DPP4: variants seen among roughly 807,000 people sequenced by gnomAD.
DPP4 encodes the protein dipeptidyl peptidase 4.
In DPP4, 93 loss-of-function variants were observed where a neutral mutation model predicts 122.4. That is an observed-to-expected ratio of 0.76 (90% CI 0.64 to 0.90). DPP4 has a LOEUF of 0.90. Ranked by LOEUF, DPP4 falls within the 40% of genes least tolerant of loss-of-function variation. DPP4 has a pLI of 0.00. For synonymous variants in DPP4, 321 were observed against 302.9 expected, an observed-to-expected ratio of 1.06 and a Z score of -0.62; for missense variants, 914 against 907.3, an observed-to-expected ratio of 1.01 and a Z score of -0.09.
intron 2 of DPP4, among the ~76,000 whole-genome samples, chr2:162,057,301 C>A (rs77999304): frequency 0.12 from 18,330 of 152,246 alleles, 1,481 homozygotes; most frequent in Middle Eastern, 0.22. Flanking sequence ...ACTGTTAGGT[C>A]AGCACACTTC....
chr2:162,024,687 C>G (rs1683254986), intron 11 of DPP4, 117 bp downstream of exon 11: 1 of 1,369,390 alleles, frequency 7.3e-7, no homozygotes, highest in Non-Finnish European at 9.9e-7. Flanking sequence ...CAGACAGAGT[C>G]AGAAAGAAGA....
At chr2:162,043,883 C>G (rs1158286118) in intron 5 of DPP4, among the ~76,000 whole-genome samples, 6 of 152,034 alleles carry the variant, frequency 3.9e-5, no homozygotes, top group Admixed American at 3.9e-4. Flanking sequence ...TGAAAATTAG[C>G]AGGGCATGGT....
rs7604582 is a variant in DPP4 at position 162,023,388 on chromosome 2, T to C, written c.1024-589A>G. Among the ~76,000 whole-genome samples the C allele has an allele frequency of 3.7e-4, 57 of 152,206 alleles. 1 individual carries two copies. The highest frequency in any genetic ancestry group is 1.3e-3 in the African/African-American group (55 of 41,510). Reference sequence around the variant, plus strand: ...CTTTTCTTTAAAACCTTGAAACAACTCCCCATTTCTTACGAGATAAGTCCA... The same window carrying C: ...CTTTTCTTTAAAACCTTGAAACAACCCCCCATTTCTTACGAGATAAGTCCA... On this transcript the variant is annotated intron_variant, in intron 11 of 25. Coordinates refer to ENST00000360534, the MANE Select transcript of DPP4 (RefSeq NM_001935.4).
chr2:162,053,647 T>C (rs888447972), intron 2 of DPP4, among the ~76,000 whole-genome samples: 2 of 152,172 alleles, frequency 1.3e-5, no homozygotes, highest in African/African-American at 4.8e-5. Context: ...AGCATTCTGG[T>C]GCAGCACTCT....
At position 162,002,719 on chromosome 2, in the gene DPP4, C is replaced by A. The variant is rs531985121; in HGVS notation, c.2052+3026G>T. 9.2e-5 allele frequency among the ~76,000 whole-genome samples: 14 copies of A among 151,862 alleles called. No individual in the cohort carries two copies. In the South Asian group the frequency reaches 2.7e-3, roughly 29 times the overall value. ...GAGAGAGAGGAGAAAAGAAAAACAA[C>A]CTGGGAAAGAAAAGTAAAAGATGGG... On this transcript the variant is annotated intron_variant, in intron 23 of 25. Coordinates refer to ENST00000360534, the MANE Select transcript of DPP4 (RefSeq NM_001935.4).
Position 162,005,803 on chromosome 2 carries a change from A to C in DPP4, c.1994T>G (p.Val665Gly). Residue 665 changes from valine to glycine, a missense_variant, in exon 23 of 26, where the codon GTG (valine) becomes GGG (glycine). By Grantham distance (109) the Val-to-Gly change is moderately radical (BLOSUM62 -3). Transcript: ENST00000360534. ...PVSRWEYYDSVYTERYMGLPT... is the reference protein window; with the variant it reads ...PVSRWEYYDSGYTERYMGLPT... ...GAGACCCATGTAACGTTCTGTGTAC[A>C]CTGAGTCTGTGAAAGAAAAAAAAAT... is the stretch of plus-strand genomic sequence containing the variant. The C allele has an allele frequency of 6.2e-7, 1 of 1,612,484 alleles. No individual in the cohort carries two copies.
At position 162,020,562 on chromosome 2, in the gene DPP4, A is replaced by C; in HGVS notation, c.1176+19T>G. The stretch of plus-strand genomic sequence containing the variant: ...AAAAAAAGAGGTCAACATGAAATAA[A>C]ATATGTAAGAATACTCACTTTTTTA... On this transcript the variant is annotated intron_variant, in intron 13 of 25. Coordinates refer to ENST00000360534, the MANE Select transcript of DPP4 (RefSeq NM_001935.4). 1 of 1,562,754 alleles carries C rather than the reference A, an allele frequency of 6.4e-7. No homozygotes were observed. The highest frequency in any genetic ancestry group is 1.2e-5 in the South Asian group (1 of 83,928).
chr2:161,994,984 C>T lies in DPP4; in HGVS notation c.2176G>A (p.Val726Ile). The T allele has an allele frequency of 1.2e-6, 2 of 1,614,118 alleles. No individual in the cohort carries two copies. Among genetic ancestry groups the T allele is most frequent in the South Asian group, 2.2e-5 (2 of 91,084 alleles). ...SAQISKALVD[V>I]GVDFQAMWYT... is the part of the protein sequence containing the mutation. ...ACCATTGCCTGGAAATCCACTCCAACATCGACCAGGGCTTTGGAGATCTGA... is the reference window on the plus strand; with the variant it reads ...ACCATTGCCTGGAAATCCACTCCAATATCGACCAGGGCTTTGGAGATCTGA... The change falls in exon 25 of 26, where the codon GTT becomes ATT. Residue 726 changes from valine to isoleucine, a missense_variant. Transcript: ENST00000360534.
chr2:162,063,523 C>T (rs1209328084), intron 2 of DPP4, among the ~76,000 whole-genome samples: 1 of 151,818 alleles, frequency 6.6e-6, no homozygotes, highest in Non-Finnish European at 1.5e-5. Context: ...AAAGACTGCA[C>T]AGTGAGGTAG....
At chr2:162,054,587 A>C (rs184589883) in intron 2 of DPP4, among the ~76,000 whole-genome samples, 1 of 152,126 alleles carries the variant, frequency 6.6e-6, no homozygotes, top group Non-Finnish European at 1.5e-5. Flanking sequence ...AGGGCTCCCC[A>C]CTCATGAATG....
At chr2:162,021,084 A>G (rs1193153315) in intron 12 of DPP4, among the ~76,000 whole-genome samples, 1 of 152,204 alleles carries the variant, frequency 6.6e-6, no homozygotes, top group Non-Finnish European at 1.5e-5. Context: ...CTCTTGAAAC[A>G]GACATATTAT....
Position 162,034,328 on chromosome 2 carries a change from G to A in DPP4, c.775-675C>T, listed in dbSNP as rs991002289. Among the ~76,000 whole-genome samples, 3 of 151,708 alleles carry A rather than the reference G, an allele frequency of 2.0e-5. No individual in the cohort carries two copies. The East Asian group carries it at 5.8e-4, about 29-fold the overall frequency. ...AGTTTTTTTTGTATGTGCCAGTTTC[G>A]CTCATCAAAAAATAACATTCCACTG... On this transcript the variant is annotated intron_variant, in intron 9 of 25. Transcript: ENST00000360534.
At chr2:162,005,539 C>T (rs1576034814) in intron 23 of DPP4, 1 of 468,780 alleles carries the variant, frequency 2.1e-6, no homozygotes, top group Non-Finnish European at 3.8e-6. Context: ...CATATTGTGA[C>T]CTATATAGCA....
chr2:162,066,367 A>G (rs1182899277), intron 2 of DPP4, among the ~76,000 whole-genome samples: 1 of 152,180 alleles, frequency 6.6e-6, no homozygotes, highest in African/African-American at 2.4e-5. Flanking sequence ...CAAGAGTCAG[A>G]GGCATATTTT....
chr2:162,017,252 C>A, intron 16 of DPP4, 97 bp from the exon 17 acceptor site: 1 of 980,840 alleles, frequency 1.0e-6, no homozygotes. Context: ...TACCATTTAA[C>A]TTTGATAGAA....
chr2:161,994,379 GAAA>G (rs1700940102), intron 25 of DPP4, among the ~76,000 whole-genome samples: 3 of 152,162 alleles, frequency 2.0e-5, no homozygotes, highest in South Asian at 2.1e-4. Flanking sequence ...CTCTAATGCA[GAAA>G]ATGAATTTGA....
At position 162,005,818 on chromosome 2, in the gene DPP4, GAA is replaced by G; in HGVS notation, c.1988-11_1988-10del. 1 of 1,585,970 alleles carries G rather than the reference GAA, an allele frequency of 6.3e-7. No homozygotes were observed. Among genetic ancestry groups the G allele is most frequent in the Non-Finnish European group, 8.6e-7 (1 of 1,163,688 alleles). Reference sequence around the variant, plus strand: ...TTCTGTGTACACTGAGTCTGTGAAAGAAAAAAAAATAAAAAAAAGTTTAATTC... The same window carrying G: ...TTCTGTGTACACTGAGTCTGTGAAAGAAAAAAATAAAAAAAAGTTTAATTC... On this transcript the variant is annotated splice_polypyrimidine_tract_variant and intron_variant, in intron 22 of 25. Transcript: ENST00000360534.
intron 23 of DPP4, among the ~76,000 whole-genome samples, chr2:161,998,621 A>G (rs1701065784): frequency 6.6e-6 from 1 of 152,238 alleles, no homozygotes. Context: ...AGACATATAA[A>G]TACGCAGGAC....
intron 15 of DPP4, 51 bp from the exon 16 acceptor site, chr2:162,018,901 G>A: frequency 1.2e-6 from 2 of 1,607,258 alleles, no homozygotes; most frequent in Non-Finnish European, 1.7e-6. Context: ...ATAAGTGAGA[G>A]GAAGGAACTG....
Sources: gnomAD v4.1 joint callset for allele counts (sites outside exome capture counted in the v4.1 genomes callset) on GRCh38, gnomAD v4.1.1 for gene constraint, MANE v1.5 for transcripts, NCBI Gene and HGNC (gene_info 2026-07-23, HGNC 2026-07-21) for gene names.